The following JAM3 variants were observed in gnomAD, a reference collection of about 807,000 sequenced individuals.
JAM3 encodes junctional adhesion molecule C.
JAM3 carries 31 observed loss-of-function variants against 39.4 expected under a neutral mutation model. That is an observed-to-expected ratio of 0.79 (90% CI 0.59 to 1.06). The LOEUF (loss-of-function observed/expected upper bound fraction) is 1.06, where lower values mean the gene tolerates loss of function less well. Ranked by LOEUF, JAM3 falls within the 50% of genes least tolerant of loss-of-function variation. JAM3 has a pLI of 0.00. For missense variants in JAM3, 455 were observed against 391.4 expected, an observed-to-expected ratio of 1.16 and a Z score of -1.37; for synonymous variants, 182 against 148.7, an observed-to-expected ratio of 1.22 and a Z score of -1.63.
chr11:134,124,000 C>G, intron 1 of JAM3: 1 of 1,511,934 alleles, frequency 6.6e-7, no homozygotes, highest in Non-Finnish European at 9.2e-7. Context: ...GCAACCAGCA[C>G]AGGTGCCCTT....
intron 1 of JAM3, among the ~76,000 whole-genome samples, chr11:134,137,420 C>T (rs963348356): frequency 6.6e-6 from 1 of 152,290 alleles, no homozygotes. Context: ...TATAAGCTCT[C>T]CCATTTTCTT....
Position 134,151,207 on chromosome 11 carries a change from A to G in JAM3, c.*2026A>G, listed in dbSNP as rs1253622947. 6.6e-6 allele frequency: 1 copy of G among 152,182 alleles called. No individual in the cohort carries two copies. The highest frequency in any genetic ancestry group is 1.9e-4 in the East Asian group (1 of 5,184). The allele number at this position is 152,182 out of a possible 1,614,324, so 9.4% of individuals were successfully genotyped here. A position where few individuals can be genotyped will look rare whatever the true frequency, so the allele number is the denominator to read the frequency against. ...TTTGACAGCTTTTTTTTAATTGCATACATGAGACTGTGTTGACTTTTTTTA... is the reference window on the plus strand; with the variant it reads ...TTTGACAGCTTTTTTTTAATTGCATGCATGAGACTGTGTTGACTTTTTTTA... On this transcript the variant is annotated 3_prime_UTR_variant, in exon 9 of 9. Coordinates refer to ENST00000299106, the MANE Select transcript of JAM3 (RefSeq NM_032801.5).
At chr11:134,147,006 ATGTC>A (rs1943085445) in intron 6 of JAM3, among the ~76,000 whole-genome samples, 1 of 152,174 alleles carries the variant, frequency 6.6e-6, no homozygotes. Flanking sequence ...TATGCTAGAA[ATGTC>A]TGTGTGTGAG....
At position 134,150,667 on chromosome 11, in the gene JAM3, ATTTG is replaced by A. The variant is rs1210086145; in HGVS notation, c.*1489_*1492del. ...TTTTTTTTTTTAAGTTTGTTTAATT[ATTTG>A]TTAAGATTGTCTAAGGCCAAAGGCA... On this transcript the variant is annotated 3_prime_UTR_variant, in exon 9 of 9. Coordinates refer to ENST00000299106, the MANE Select transcript of JAM3 (RefSeq NM_032801.5). 6.6e-6 allele frequency: 1 copy of A among 151,528 alleles called. No individual in the cohort carries two copies. The highest frequency in any genetic ancestry group is 1.5e-5 in the Non-Finnish European group (1 of 67,870). 9.4% of individuals were successfully genotyped at this position (151,528 alleles called of 1,614,324 possible). A position where few individuals can be genotyped will look rare whatever the true frequency, so the allele number is the denominator to read the frequency against.
chr11:134,111,182 C>T (rs1461945972), intron 1 of JAM3, among the ~76,000 whole-genome samples: 2 of 124,050 alleles, frequency 1.6e-5, no homozygotes, highest in Non-Finnish European at 3.1e-5. Context: ...CTCACTCTGT[C>T]GCCCAGGCTC....
intron 6 of JAM3, among the ~76,000 whole-genome samples, chr11:134,147,255 A>C (rs1194706851): frequency 6.6e-6 from 1 of 151,712 alleles, no homozygotes; most frequent in Non-Finnish European, 1.5e-5. Context: ...GGAGTTCAAG[A>C]CCAGCCTGGC....
rs1382480498 is a variant in JAM3, at chr11:134,144,828, C to G, written c.446C>G (p.Ala149Gly). 5 of 1,614,206 alleles carry G rather than the reference C, an allele frequency of 3.1e-6. No individual in the cohort carries two copies. Among genetic ancestry groups the G allele is most frequent in the Admixed American group, 3.3e-5 (2 of 60,028 alleles). The change falls in exon 5 of 9, where the codon GCT becomes GGT. Residue 149 changes from alanine (A) to glycine (G), a missense_variant. Coordinates refer to ENST00000299106, the MANE Select transcript of JAM3 (RefSeq NM_032801.5). ...ACCCCTGTCTGTAGAGTGCCGAAGG[C>G]TGTACCAGTAGGCAAGATGGCAACA... ...PVTPVCRVPK[A>G]VPVGKMATLH...
intron 1 of JAM3, among the ~76,000 whole-genome samples, chr11:134,105,298 C>T (rs1942162108): frequency 6.6e-6 from 1 of 152,276 alleles, no homozygotes; most frequent in African/African-American, 2.4e-5. Context: ...TGACAAAATT[C>T]AACAGCCCTT....
intron 5 of JAM3, 120 bp from the exon 6 acceptor site, chr11:134,145,826 T>C: frequency 2.6e-6 from 2 of 758,374 alleles, no homozygotes. Context: ...ACATGCACAG[T>C]GCTGGGGAAG....
intron 7 of JAM3, 25 bp from the exon 8 acceptor site, chr11:134,148,739 C>G: frequency 3.7e-6 from 6 of 1,614,018 alleles, no homozygotes; most frequent in Non-Finnish European, 4.2e-6. Context: ...AACCCTGTTG[C>G]TAAACTGCTC....
At chr11:134,147,459 CAA>C (rs557379286) in intron 6 of JAM3, among the ~76,000 whole-genome samples, 35 of 70,876 alleles carry the variant, frequency 4.9e-4, no homozygotes, top group African/African-American at 1.4e-3. Flanking sequence ...GACTCTGTCT[CAA>C]AAAAAAAAAA....
chr11:134,118,969 C>CTTT (rs61244231), intron 1 of JAM3, among the ~76,000 whole-genome samples: 2,517 of 140,390 alleles, frequency 0.018, 76 homozygotes, highest in African/African-American at 0.057. Flanking sequence ...CTCAAGAAAT[C>CTTT]TTTTTTTTTT....
At chr11:134,148,857 G>A (rs939936706) in intron 8 of JAM3, 39 bp downstream of exon 8, 3 of 1,602,894 alleles carry the variant, frequency 1.9e-6, no homozygotes, top group Non-Finnish European at 2.6e-6. Flanking sequence ...GGTGTACCCA[G>A]CAGGGAAAAC....
intron 1 of JAM3, among the ~76,000 whole-genome samples, chr11:134,128,158 A>T (rs1410723925): frequency 6.6e-6 from 1 of 152,168 alleles, no homozygotes; most frequent in African/African-American, 2.4e-5. Flanking sequence ...TATTGTTATT[A>T]TCACTTGAGA....
chr11:134,113,187 C>A (rs528718184), intron 1 of JAM3, among the ~76,000 whole-genome samples: 14 of 144,966 alleles, frequency 9.7e-5, no homozygotes, highest in Admixed American at 6.2e-4. Context: ...GGTTCTGGGA[C>A]TGGACTGTCT....
At chr11:134,146,134 C>A in intron 6 of JAM3, 89 bp downstream of exon 6, 1 of 923,294 alleles carries the variant, frequency 1.1e-6, no homozygotes, top group Non-Finnish European at 1.7e-6. Context: ...GCTTAGAGAA[C>A]TCTTCCGCCA....
chr11:134,149,002 G>A (rs1565508096), intron 8 of JAM3, 144 bp from the exon 9 acceptor site: 3 of 947,750 alleles, frequency 3.2e-6, no homozygotes, highest in Non-Finnish European at 3.3e-6. Context: ...ACACTAATGG[G>A]ATTTGTGCTT....
At chr11:134,124,818 A>G (rs374336030) in intron 1 of JAM3, among the ~76,000 whole-genome samples, 1 of 152,386 alleles carries the variant, frequency 6.6e-6, no homozygotes. Context: ...TTGTCAGCGA[A>G]AACGCTGTGC....
intron 1 of JAM3, among the ~76,000 whole-genome samples, chr11:134,088,154 A>G (rs1209735533): frequency 6.6e-6 from 1 of 152,194 alleles, no homozygotes; most frequent in Non-Finnish European, 1.5e-5. Flanking sequence ...AACTTTATTA[A>G]TATACTGCCA....
Sources: allele counts gnomAD v4.1 joint callset (sites outside exome capture counted in the v4.1 genomes callset), GRCh38; gene constraint gnomAD v4.1.1; transcripts MANE v1.5; gene names NCBI Gene and HGNC (gene_info 2026-07-23, HGNC 2026-07-21).